Variants in VPS26C observed in about 807,000 individuals in gnomAD.
VPS26C encodes the protein VPS26 endosomal protein sorting factor C.
A neutral mutation model predicts 30.6 loss-of-function variants in VPS26C; 19 were observed. The observed-to-expected ratio is 0.62, with a 90% CI of 0.43 to 0.91. VPS26C has a LOEUF of 0.91. Among genes scored for constraint, VPS26C ranks in the 40% least tolerant of loss-of-function variants. VPS26C has a pLI of 0.00. For missense variants in VPS26C, 318 were observed against 385.1 expected (o/e 0.83, Z 1.46); for synonymous variants, 132 against 151.5 (o/e 0.87, Z 0.95).
chr21:37,264,417 C>T (rs985643301), intron 1 of VPS26C, among the ~76,000 whole-genome samples: 1 of 152,194 alleles, frequency 6.6e-6, no homozygotes, highest in African/African-American at 2.4e-5. Flanking sequence ...TGTATGACTT[C>T]TGCTGGGGCA....
At chr21:37,236,656 C>T (rs1168547403) in intron 3 of VPS26C, among the ~76,000 whole-genome samples, 2 of 152,080 alleles carry the variant, frequency 1.3e-5, no homozygotes, top group South Asian at 4.1e-4. Flanking sequence ...TGGCAAAATA[C>T]TATTAAGTGC....
chr21:37,244,894 A>C (rs952970456), intron 1 of VPS26C, among the ~76,000 whole-genome samples: 3 of 152,202 alleles, frequency 2.0e-5, no homozygotes, highest in African/African-American at 7.2e-5. Flanking sequence ...CCACACCCAG[A>C]GAGGCATCCT....
chr21:37,232,389 C>T lies in VPS26C; in HGVS notation c.495G>A (p.Gln165=). Reference sequence around the variant, plus strand: ...CAGGACGTCTTACCTCTTTGACGTTCTGTAAGGTTTCAGGTGTAATCGTGA... The same window carrying T: ...CAGGACGTCTTACCTCTTTGACGTTTTGTAAGGTTTCAGGTGTAATCGTGA... The part of the protein sequence containing the change: ...VDFTITPETL[Q]NVKERALLPK... Residue 165 remains glutamine, a synonymous_variant, in exon 5 of 8, where the codon CAG becomes CAA. Coordinates refer to ENST00000309117, the MANE Select transcript of VPS26C (RefSeq NM_006052.2). 1 of 1,614,128 alleles carries T rather than the reference C, an allele frequency of 6.2e-7. No homozygotes were observed. Among genetic ancestry groups the T allele is most frequent in the East Asian group, 2.2e-5 (1 of 44,876 alleles).
At chr21:37,244,902 C>G (rs1000299617) in intron 1 of VPS26C, among the ~76,000 whole-genome samples, 1 of 152,194 alleles carries the variant, frequency 6.6e-6, no homozygotes, top group African/African-American at 2.4e-5. Context: ...AGAGAGGCAT[C>G]CTGTCAACCC....
chr21:37,239,940 C>G (rs1489959530), intron 2 of VPS26C, among the ~76,000 whole-genome samples: 1 of 152,124 alleles, frequency 6.6e-6, no homozygotes, highest in Non-Finnish European at 1.5e-5. Flanking sequence ...TATAGTTCTC[C>G]TAATCCTATT....
Position 37,224,525 on chromosome 21 carries a change from GTCTC to G in VPS26C, c.*1015_*1018del, listed in dbSNP as rs1282668069. ...CCTGCGTGACACAGTTTGGAAAACTGTCTCTCTCTATGTATGTATCTGTTCAGGG... is the reference window on the plus strand; with the variant it reads ...CCTGCGTGACACAGTTTGGAAAACTGTCTCTATGTATGTATCTGTTCAGGG... On this transcript the variant is annotated 3_prime_UTR_variant, in exon 8 of 8. Coordinates refer to ENST00000309117, the MANE Select transcript of VPS26C (RefSeq NM_006052.2). 3.3e-5 allele frequency: 5 copies of G among 152,298 alleles called. No individual in the cohort carries two copies. The highest frequency in any genetic ancestry group is 2.1e-4 in the South Asian group (1 of 4,826). The allele number at this position is 152,298 out of a possible 1,614,324, so 9.4% of individuals were successfully genotyped here.
At chr21:37,254,740 G>A (rs1167466729) in intron 1 of VPS26C, among the ~76,000 whole-genome samples, 1 of 151,822 alleles carries the variant, frequency 6.6e-6, no homozygotes, top group Non-Finnish European at 1.5e-5. Context: ...GAACCAGGAG[G>A]CAGAGGCTGC....
chr21:37,243,793 A>C (rs2086111175), intron 1 of VPS26C, among the ~76,000 whole-genome samples: 3 of 152,172 alleles, frequency 2.0e-5, no homozygotes, highest in Admixed American at 2.0e-4. Flanking sequence ...CATTTCTGTA[A>C]GCCTATGAGA....
chr21:37,236,528 A>G (rs2086026463), intron 3 of VPS26C, among the ~76,000 whole-genome samples: 1 of 152,230 alleles, frequency 6.6e-6, no homozygotes, highest in Non-Finnish European at 1.5e-5. Flanking sequence ...AATTATAGAG[A>G]CAAACGTCCT....
At chr21:37,240,881 C>T (rs537528673) in intron 1 of VPS26C, among the ~76,000 whole-genome samples, 1 of 152,280 alleles carries the variant, frequency 6.6e-6, no homozygotes, top group South Asian at 2.1e-4. Context: ...TGAGAAACCT[C>T]GTCCCGTCAC....
intron 1 of VPS26C, among the ~76,000 whole-genome samples, chr21:37,258,446 G>A (rs1475261018): frequency 2.6e-5 from 4 of 152,232 alleles, no homozygotes; most frequent in Admixed American, 2.0e-4. Context: ...CCAGCGCCCC[G>A]AACCTGATGA....
Position 37,227,787 on chromosome 21 carries a change from G to C in VPS26C, c.678C>G (p.Ala226=), listed in dbSNP as rs1426499054. ...VETCGCAEGY[A]RDATEIQNIQ... ...TGTTCTGAATCTCCGTGGCGTCGCG[G>C]GCATAGCCTTCTGCACACCCTGCGG... The change falls in exon 7 of 8, where the codon GCC becomes GCG. Residue 226 remains alanine (A), a synonymous_variant. Transcript: ENST00000309117. 1.2e-6 allele frequency: 2 copies of C among 1,614,034 alleles called. No homozygotes were observed. Among genetic ancestry groups the C allele is most frequent in the Non-Finnish European group, 1.7e-6 (2 of 1,180,022 alleles).
rs2030261387 is a variant in VPS26C at position 37,224,684 on chromosome 21, G to A, written c.*860C>T. The A allele has an allele frequency of 6.6e-6, 1 of 151,726 alleles. No individual in the cohort carries two copies. The highest frequency in any genetic ancestry group is 2.1e-4 in the South Asian group (1 of 4,822). 9.4% of individuals were successfully genotyped at this position (151,726 alleles called of 1,614,324 possible). A position where few individuals can be genotyped will look rare whatever the true frequency, so the allele number is the denominator to read the frequency against. On this transcript the variant is annotated 3_prime_UTR_variant, in exon 8 of 8. Coordinates refer to ENST00000309117, the MANE Select transcript of VPS26C (RefSeq NM_006052.2). ...AAAATTTAAAGTTATAATGAAAAAT[G>A]TTGTAAAAAGAACTACAGAGGCTGG...
chr21:37,232,790 C>T (rs2085979462), intron 4 of VPS26C: 2 of 388,236 alleles, frequency 5.2e-6, no homozygotes, highest in Middle Eastern at 7.9e-4. Context: ...GGGCTCTTCA[C>T]ACCTCCCAGA....
chr21:37,225,711 C>T, intron 7 of VPS26C, 85 bp from the exon 8 acceptor site: 1 of 1,201,566 alleles, frequency 8.3e-7, no homozygotes, highest in East Asian at 2.4e-5. Flanking sequence ...TCGCAGGAAG[C>T]TCTAACGGCG....
intron 1 of VPS26C, among the ~76,000 whole-genome samples, chr21:37,256,247 C>T (rs1377928387): frequency 6.6e-6 from 1 of 152,188 alleles, no homozygotes; most frequent in African/African-American, 2.4e-5. Flanking sequence ...TTGCTAGTCA[C>T]AACATCCTAT....
intron 1 of VPS26C, among the ~76,000 whole-genome samples, chr21:37,264,869 G>C (rs1047985857): frequency 7.2e-5 from 11 of 152,098 alleles, no homozygotes; most frequent in African/African-American, 2.7e-4. Context: ...ATAGCGAAAA[G>C]GTAGAAATAA....
Position 37,225,035 on chromosome 21 carries a change from T to C in VPS26C, c.*509A>G, listed in dbSNP as rs770943159. On this transcript the variant is annotated 3_prime_UTR_variant, in exon 8 of 8. Transcript: ENST00000309117. Reference sequence around the variant, plus strand: ...GTGGAGGGAAGTCATGCATTTCCAGTGGCTAGCACTTTGCGCTCTGCCTTG... The same window carrying C: ...GTGGAGGGAAGTCATGCATTTCCAGCGGCTAGCACTTTGCGCTCTGCCTTG... 1 of 156,540 alleles carries C rather than the reference T, an allele frequency of 6.4e-6. No homozygotes were observed. Among genetic ancestry groups the C allele is most frequent in the Admixed American group, 6.1e-5 (1 of 16,326 alleles). 9.7% of individuals were successfully genotyped at this position (156,540 alleles called of 1,614,324 possible). A position where few individuals can be genotyped will look rare whatever the true frequency, so the allele number is the denominator to read the frequency against.
intron 1 of VPS26C, among the ~76,000 whole-genome samples, chr21:37,255,850 C>CTTTTTTTTTTTTTTTTTTTTTTTTT (rs2086236577): frequency 3.2e-5 from 2 of 63,476 alleles, no homozygotes; most frequent in African/African-American, 1.8e-4. Flanking sequence ...CTATGCACTG[C>CTTTTTTTTTTTTTTTTTTTTTTTTT]ATTTTTTTTT....
Sources: gnomAD v4.1 joint callset for allele counts (sites outside exome capture counted in the v4.1 genomes callset) on GRCh38, gnomAD v4.1.1 for gene constraint, MANE v1.5 for transcripts, NCBI Gene and HGNC (gene_info 2026-07-23, HGNC 2026-07-21) for gene names.